CLCN5: variants seen among roughly 807,000 people sequenced by gnomAD.
CLCN5 encodes the protein H(+)/Cl(-) exchange transporter 5.
CLCN5 carries 17 observed loss-of-function variants against 54.0 expected under a neutral mutation model. The observed-to-expected ratio is 0.31, with a 90% CI of 0.22 to 0.47. CLCN5 has a LOEUF of 0.47. Among genes scored for constraint, CLCN5 ranks in the 20% least tolerant of loss-of-function variants. The pLI, the probability that CLCN5 is intolerant of heterozygous loss-of-function variation, is 1.00. For missense variants in CLCN5, 448 were observed against 646.7 expected (o/e 0.69, Z 3.33); for synonymous variants, 222 against 233.0 (o/e 0.95, Z 0.43).
At chrX:49,977,337 T>A (rs1370657777) in intron 3 of CLCN5, among the ~76,000 whole-genome samples, 1 of 111,644 alleles carries the variant, frequency 9.0e-6, no homozygotes, top group Non-Finnish European at 1.9e-5. Flanking sequence ...TTCTCAGTCT[T>A]TTCAAAATTT....
chrX:50,092,068 T>A, intron 14 of CLCN5, 61 bp from the exon 15 acceptor site: 2 of 853,760 alleles, frequency 2.3e-6, no homozygotes, highest in Non-Finnish European at 3.5e-6. Flanking sequence ...GTATCACCTT[T>A]GGGAATGCTA....
chrX:50,067,673 G>A (rs1933077753), intron 4 of CLCN5: 1 of 751,781 alleles, frequency 1.3e-6, no homozygotes, highest in South Asian at 6.8e-5. Context: ...GGCTTCTTTT[G>A]TAAAAGCTCC....
intron 3 of CLCN5, among the ~76,000 whole-genome samples, chrX:50,033,392 A>G (rs1602071963): frequency 8.9e-6 from 1 of 111,743 alleles, no homozygotes; most frequent in East Asian, 2.8e-4. Flanking sequence ...ACAGAGAGCC[A>G]AATCATGAGT....
intron 3 of CLCN5, among the ~76,000 whole-genome samples, chrX:50,015,409 G>A (rs782196806): frequency 1.8e-5 from 2 of 108,122 alleles, no homozygotes; most frequent in South Asian, 4.2e-4. Context: ...GTCTATTACA[G>A]ACTCTTCTTG....
intron 4 of CLCN5, chrX:50,069,617 A>T: frequency 1.1e-6 from 1 of 883,458 alleles, no homozygotes; most frequent in East Asian, 5.6e-5. Flanking sequence ...TTCCCATTGC[A>T]CATCAACTCC....
At chrX:50,017,679 A>T (rs782189287) in intron 3 of CLCN5, among the ~76,000 whole-genome samples, 3 of 99,358 alleles carry the variant, frequency 3.0e-5, no homozygotes, top group Non-Finnish European at 6.2e-5. Flanking sequence ...CTACCTCTAG[A>T]TTCATTTTTT....
chrX:50,009,652 A>G, intron 3 of CLCN5: 2 of 377,631 alleles, frequency 5.3e-6, no homozygotes, highest in East Asian at 1.5e-4. Context: ...CTTTGCAGGA[A>G]TGGGACCATG....
Position 50,042,332 on chromosome X carries a change from A to G in CLCN5, c.33A>G (p.Arg11=). Reference sequence around the variant, plus strand: ...TCTGCACAGGTGCCATGGATAACAGAGGCTTTCAGCAGGGGAGTTTTAGTA... The same window carrying G: ...TCTGCACAGGTGCCATGGATAACAGGGGCTTTCAGCAGGGGAGTTTTAGTA... The part of the protein sequence containing the change: MAMWQGAMDN[R]GFQQGSFSSF... Residue 11 remains arginine (R), a synonymous_variant, in exon 4 of 15, where the codon AGA becomes AGG. Coordinates refer to ENST00000376091, the MANE Select transcript of CLCN5 (RefSeq NM_001127898.4). The G allele has an allele frequency of 8.5e-7, 1 of 1,170,328 alleles. No individual in the cohort carries two copies.
At chrX:50,078,330 T>TCACA (rs781899764) in intron 7 of CLCN5, among the ~76,000 whole-genome samples, 3 of 109,328 alleles carry the variant, frequency 2.7e-5, no homozygotes, top group East Asian at 2.9e-4. Flanking sequence ...TGAGATCCTG[T>TCACA]CACACACACA....
intron 7 of CLCN5, 80 bp from the exon 8 acceptor site, chrX:50,080,513 GA>G: frequency 1.3e-6 from 1 of 759,966 alleles, no homozygotes; most frequent in East Asian, 4.0e-5. Flanking sequence ...TTTTTTTCCT[GA>G]AAAAACATTA....
At chrX:50,089,520 A>AT (rs1424759901) in intron 12 of CLCN5, among the ~76,000 whole-genome samples, 1 of 112,090 alleles carries the variant, frequency 8.9e-6, no homozygotes, top group Non-Finnish European at 1.9e-5. Flanking sequence ...TATTTTCTGG[A>AT]TTTTCCACAA....
chrX:50,088,848 G>A lies in CLCN5; in HGVS notation c.1708G>A (p.Gly570Ser), dbSNP rs1557194360. The A allele has an allele frequency of 3.3e-6, 4 of 1,211,115 alleles. No homozygotes were observed. The highest frequency in any genetic ancestry group is 2.2e-5 in the Admixed American group (1 of 45,965). ...CSQGADCITP[G>S]LYAMVGAAAC... Reference sequence around the variant, plus strand: ...TCAGGGAGCTGATTGCATCACCCCCGGCCTTTATGCAATGGTTGGGGCTGC... The same window carrying A: ...TCAGGGAGCTGATTGCATCACCCCCAGCCTTTATGCAATGGTTGGGGCTGC... Residue 570 changes from glycine to serine, a missense_variant, in exon 12 of 15, where the codon GGC (glycine) becomes AGC (serine). Coordinates refer to ENST00000376091, the MANE Select transcript of CLCN5 (RefSeq NM_001127898.4).
rs1447700181 is a variant in CLCN5 at position 50,091,190 on chromosome X, T to C, written c.2360+304T>C. Reference sequence around the variant, plus strand: ...AGGCAGCACTGAAATTACAGTAGCATCAGGTAATAGTGTATTTGCTGGGTG... The same window carrying C: ...AGGCAGCACTGAAATTACAGTAGCACCAGGTAATAGTGTATTTGCTGGGTG... On this transcript the variant is annotated intron_variant, in intron 14 of 14. Transcript: ENST00000376091. Among the ~76,000 whole-genome samples the C allele has an allele frequency of 3.6e-5, 4 of 112,085 alleles. No individual in the cohort carries two copies. The East Asian group carries it at 1.1e-3, about 32-fold the overall frequency.
At chrX:50,029,672 A>C (rs1421007736) in intron 3 of CLCN5, among the ~76,000 whole-genome samples, 2 of 111,764 alleles carry the variant, frequency 1.8e-5, no homozygotes, top group Non-Finnish European at 3.8e-5. Flanking sequence ...ATGCAAATCA[A>C]AACCACAATG....
intron 3 of CLCN5, among the ~76,000 whole-genome samples, chrX:49,991,577 GTTC>G (rs1455849434): frequency 8.9e-6 from 1 of 111,838 alleles, no homozygotes; most frequent in African/African-American, 3.3e-5. Context: ...ATTTATCTTT[GTTC>G]TTCTTGCATT....
At chrX:49,981,957 G>A (rs932180286) in intron 3 of CLCN5, among the ~76,000 whole-genome samples, 4 of 110,435 alleles carry the variant, frequency 3.6e-5, no homozygotes, top group Admixed American at 1.9e-4. Context: ...ATCTGGGGGC[G>A]ATTATCCTGG....
chrX:50,080,158 T>C (rs1169885372), intron 7 of CLCN5, among the ~76,000 whole-genome samples: 12 of 111,754 alleles, frequency 1.1e-4, no homozygotes, highest in African/African-American at 3.6e-4. Flanking sequence ...AAGGTGAATT[T>C]AGTGGAACTT....
At chrX:49,926,399 T>C (rs1214713510) in intron 3 of CLCN5, among the ~76,000 whole-genome samples, 1 of 112,579 alleles carries the variant, frequency 8.9e-6, no homozygotes, top group Non-Finnish European at 1.9e-5. Context: ...TGCAGGATGC[T>C]AGAAGATTCC....
intron 3 of CLCN5, among the ~76,000 whole-genome samples, chrX:49,979,491 C>A (rs1225715396): frequency 1.8e-5 from 2 of 111,800 alleles, no homozygotes; most frequent in East Asian, 5.6e-4. Flanking sequence ...AAGCTTTTTA[C>A]CTGCTTTGAA....
Sources: allele counts gnomAD v4.1 joint callset (sites outside exome capture counted in the v4.1 genomes callset), GRCh38; gene constraint gnomAD v4.1.1; transcripts MANE v1.5; gene names NCBI Gene and HGNC (gene_info 2026-07-23, HGNC 2026-07-21).